Variants in TAFA1 observed in about 807,000 individuals in gnomAD.
TAFA1 encodes the protein chemokine-like protein TAFA-1.
TAFA1 carries 4 observed loss-of-function variants against 18.5 expected under a neutral mutation model. The ratio of observed to expected loss-of-function variants is 0.22; its 90% CI spans 0.11 to 0.49. The LOEUF (loss-of-function observed/expected upper bound fraction) is 0.49, where lower values mean the gene tolerates loss of function less well. Ranked by LOEUF, TAFA1 falls within the 20% of genes least tolerant of loss-of-function variation. The pLI is 0.98. For missense variants in TAFA1, 147 were observed against 169.0 expected (o/e 0.87, Z 0.72); for synonymous variants, 56 against 55.2 (o/e 1.01, Z -0.06).
At chr3:68,469,293 T>G (rs2071950188) in intron 3 of TAFA1, among the ~76,000 whole-genome samples, 1 of 152,158 alleles carries the variant, frequency 6.6e-6, no homozygotes, top group South Asian at 2.1e-4. Flanking sequence ...ATCATTGCTG[T>G]CCAGTGGGAA....
At chr3:68,123,917 A>G (rs975086327) in intron 2 of TAFA1, among the ~76,000 whole-genome samples, 1 of 118,812 alleles carries the variant, frequency 8.4e-6, no homozygotes, top group Non-Finnish European at 1.7e-5. Flanking sequence ...AAAAAAAAAA[A>G]AAGCTTTCTT....
At chr3:67,992,911 C>T in the TAFA1 span, among the ~76,000 whole-genome samples, 1 of 152,208 alleles carries the variant, frequency 6.6e-6, no homozygotes, top group South Asian at 2.1e-4. Flanking sequence ...GGGTAATGTG[C>T]CCACACTTGA....
At chr3:68,224,212 A>T (rs2107100197) in intron 2 of TAFA1, among the ~76,000 whole-genome samples, 1 of 152,208 alleles carries the variant, frequency 6.6e-6, no homozygotes, top group African/African-American at 2.4e-5. Flanking sequence ...CAAATTTAAG[A>T]CATCCTTATA....
At chr3:68,088,881 G>A (rs971699697) in intron 2 of TAFA1, among the ~76,000 whole-genome samples, 5 of 152,138 alleles carry the variant, frequency 3.3e-5, no homozygotes, top group African/African-American at 9.7e-5. Flanking sequence ...GGTGAGAAAC[G>A]GCCACATTCT....
intron 2 of TAFA1, among the ~76,000 whole-genome samples, chr3:68,407,628 G>C (rs990653658): frequency 1.1e-4 from 16 of 152,052 alleles, no homozygotes; most frequent in African/African-American, 3.6e-4. Context: ...ACCCTGTAAA[G>C]TTGATGCTGT....
At chr3:68,201,931 A>C (rs2066473923) in intron 2 of TAFA1, among the ~76,000 whole-genome samples, 1 of 151,680 alleles carries the variant, frequency 6.6e-6, no homozygotes, top group Non-Finnish European at 1.5e-5. Context: ...CCCAAGAGGC[A>C]TCCTGGCTCT....
At chr3:68,106,166 A>G (rs2065201124) in intron 2 of TAFA1, among the ~76,000 whole-genome samples, 1 of 152,118 alleles carries the variant, frequency 6.6e-6, no homozygotes, top group African/African-American at 2.4e-5. Flanking sequence ...TATGCAAAAA[A>G]AAAAGAACGA....
intron 2 of TAFA1, among the ~76,000 whole-genome samples, chr3:68,258,726 C>A (rs1171909597): frequency 6.6e-6 from 1 of 152,158 alleles, no homozygotes; most frequent in East Asian, 1.9e-4. Flanking sequence ...CTAGTCCAAC[C>A]TTACTGGGTA....
intron 3 of TAFA1, among the ~76,000 whole-genome samples, chr3:68,529,496 C>G (rs572171817): frequency 5.5e-5 from 8 of 144,596 alleles, no homozygotes; most frequent in African/African-American, 1.8e-4. Context: ...TCAAGAACTT[C>G]CATAGTCTTA....
intron 3 of TAFA1, among the ~76,000 whole-genome samples, chr3:68,505,283 C>T (rs1397249): frequency 0.8 from 121,574 of 152,136 alleles, 48,896 homozygotes; most frequent in African/African-American, 0.89. Flanking sequence ...TGTATTCTTC[C>T]AAAGTCTTTA....
rs568742282 is a variant in TAFA1 at position 68,193,010 on chromosome 3, A to C, written c.118+186266A>C. Among the ~76,000 whole-genome samples, 4 of 151,924 alleles carry C rather than the reference A, an allele frequency of 2.6e-5. No homozygotes were observed. In the East Asian group the frequency reaches 7.8e-4, roughly 30 times the overall value. ...TCTCTATTTGAGCCCAATGGTGGGC[A>C]TGGACAGATATGGTAGTCTCCTTAA... On this transcript the variant is annotated intron_variant, in intron 2 of 4. Coordinates refer to ENST00000478136, the MANE Select transcript of TAFA1 (RefSeq NM_213609.4).
chr3:68,227,321 A>T (rs1431027727), intron 2 of TAFA1, among the ~76,000 whole-genome samples: 1 of 152,194 alleles, frequency 6.6e-6, no homozygotes. Flanking sequence ...CTCAGAGTAC[A>T]TCCATTAATT....
intron 2 of TAFA1, among the ~76,000 whole-genome samples, chr3:68,137,676 TC>T (rs1351490212): frequency 6.6e-6 from 1 of 152,146 alleles, no homozygotes; most frequent in Non-Finnish European, 1.5e-5. Context: ...CATATGGACG[TC>T]CTTTGAACCT....
At chr3:68,018,175 A>T (rs1047023320) in intron 2 of TAFA1, among the ~76,000 whole-genome samples, 2 of 152,344 alleles carry the variant, frequency 1.3e-5, no homozygotes, top group East Asian at 1.9e-4. Flanking sequence ...AGGCTGCCTT[A>T]TCAGTGTACA....
rs1575912981 is a variant in TAFA1, at chr3:68,486,077, A to T, written c.260-52679A>T. 7.5e-5 allele frequency among the ~76,000 whole-genome samples: 3 copies of T among 39,808 alleles called. No homozygotes were observed. The South Asian group carries it at 2.0e-3, about 26-fold the overall frequency. 26.1% of individuals were successfully genotyped at this position (39,808 alleles called of 152,430 possible). A position where few individuals can be genotyped will look rare whatever the true frequency, so the allele number is the denominator to read the frequency against. On this transcript the variant is annotated intron_variant, in intron 3 of 4. Coordinates refer to ENST00000478136, the MANE Select transcript of TAFA1 (RefSeq NM_213609.4). The stretch of plus-strand genomic sequence containing the variant: ...CATTCCTGGCTAAATTTTTATTTTT[A>T]TTTTATTTTATTTTATTTTATTTTG...
At chr3:68,534,330 C>T (rs996975118) in intron 3 of TAFA1, among the ~76,000 whole-genome samples, 7 of 152,144 alleles carry the variant, frequency 4.6e-5, no homozygotes, top group Non-Finnish European at 1.0e-4. Flanking sequence ...TGTTCCAAGC[C>T]CCTATTCTTT....
chr3:68,085,491 A>T (rs2064960082), intron 2 of TAFA1, among the ~76,000 whole-genome samples: 1 of 152,198 alleles, frequency 6.6e-6, no homozygotes, highest in South Asian at 2.1e-4. Context: ...CATTTCAGTG[A>T]TTCTCCTGGA....
rs113956440 is a variant in TAFA1 at position 68,050,852 on chromosome 3, G to A, written c.118+44108G>A. 9.1e-3 allele frequency among the ~76,000 whole-genome samples: 1,387 copies of A among 152,274 alleles called. 22 individuals are homozygous for A. Among genetic ancestry groups the A allele is most frequent in the African/African-American group, 0.031 (1,273 of 41,560 alleles). On this transcript the variant is annotated intron_variant, in intron 2 of 4. Transcript: ENST00000478136. Reference sequence around the variant, plus strand: ...AGACAATAAGTAAATGAATGGTTGTGGCTGCTTTCCAGTAAAACTTGATTT... The same window carrying A: ...AGACAATAAGTAAATGAATGGTTGTAGCTGCTTTCCAGTAAAACTTGATTT...
At chr3:68,129,632 A>T (rs761254978) in intron 2 of TAFA1, among the ~76,000 whole-genome samples, 2 of 152,320 alleles carry the variant, frequency 1.3e-5, no homozygotes, top group Non-Finnish European at 1.5e-5. Context: ...ATGGATAATT[A>T]TACGTTACAT....
Sources: gnomAD v4.1 joint callset for allele counts (sites outside exome capture counted in the v4.1 genomes callset) on GRCh38, gnomAD v4.1.1 for gene constraint, MANE v1.5 for transcripts, NCBI Gene and HGNC (gene_info 2026-07-23, HGNC 2026-07-21) for gene names.